Variants in DCUN1D4 observed in about 807,000 individuals in gnomAD.
DCUN1D4 encodes the protein defective in cullin neddylation 1 domain containing 4, also known as DCN1-like protein 4.
Under a neutral mutation model 47.9 loss-of-function variants are expected in DCUN1D4, and 22 were observed. The observed-to-expected ratio is 0.46, with a 90% CI of 0.33 to 0.66. DCUN1D4 has a LOEUF of 0.66. Among genes scored for constraint, DCUN1D4 ranks in the 30% least tolerant of loss-of-function variants. The pLI, the probability that DCUN1D4 is intolerant of heterozygous loss-of-function variation, is 0.02. For missense variants in DCUN1D4, 301 were observed against 340.8 expected (o/e 0.88, Z 0.92); for synonymous variants, 121 against 112.2 (o/e 1.08, Z -0.50).
intron 1 of DCUN1D4, among the ~76,000 whole-genome samples, chr4:51,856,776 G>T (rs1724206183): frequency 6.6e-6 from 1 of 152,128 alleles, no homozygotes; most frequent in Non-Finnish European, 1.5e-5. Context: ...TCCTTACACT[G>T]CAATCACATT....
rs899960227 is a variant in DCUN1D4, at chr4:51,916,242, G to T, written c.*2658G>T. On this transcript the variant is annotated 3_prime_UTR_variant, in exon 11 of 11. Transcript: ENST00000334635. ...AGATGTTTACTGCTGAAGTAGGTCAGAAATTGTATTATTTGATTTGCCTCA... is the reference window on the plus strand; with the variant it reads ...AGATGTTTACTGCTGAAGTAGGTCATAAATTGTATTATTTGATTTGCCTCA... 1 of 152,094 alleles carries T rather than the reference G, an allele frequency of 6.6e-6. No individual in the cohort carries two copies. Among genetic ancestry groups the T allele is most frequent in the African/African-American group, 2.4e-5 (1 of 41,418 alleles). 9.4% of individuals were successfully genotyped at this position (152,094 alleles called of 1,614,324 possible). A position where few individuals can be genotyped will look rare whatever the true frequency, so the allele number is the denominator to read the frequency against.
intron 6 of DCUN1D4, among the ~76,000 whole-genome samples, chr4:51,888,494 A>C (rs1457123568): frequency 1.3e-5 from 2 of 152,152 alleles, no homozygotes; most frequent in African/African-American, 4.8e-5. Flanking sequence ...TAATCCCAGC[A>C]CTTTGGGAGG....
intron 1 of DCUN1D4, among the ~76,000 whole-genome samples, chr4:51,850,481 C>T (rs1723207223): frequency 1.3e-5 from 2 of 152,310 alleles, no homozygotes; most frequent in African/African-American, 4.8e-5. Flanking sequence ...CTGTCATCTC[C>T]TAGCCAAGGG....
Position 51,915,781 on chromosome 4 carries a change from A to G in DCUN1D4, c.*2197A>G, listed in dbSNP as rs1480251315. On this transcript the variant is annotated 3_prime_UTR_variant, in exon 11 of 11. Coordinates refer to ENST00000334635, the MANE Select transcript of DCUN1D4 (RefSeq NM_001040402.3). Reference sequence around the variant, plus strand: ...AGGAGGGAGATGTTACAGTTAATCCACAATCAACATTTTGATGGTAGGGAA... The same window carrying G: ...AGGAGGGAGATGTTACAGTTAATCCGCAATCAACATTTTGATGGTAGGGAA... 6.5e-6 allele frequency: 1 copy of G among 152,688 alleles called. No homozygotes were observed. The highest frequency in any genetic ancestry group is 1.9e-4 in the East Asian group (1 of 5,180). 9.5% of individuals were successfully genotyped at this position (152,688 alleles called of 1,614,324 possible).
intron 5 of DCUN1D4, among the ~76,000 whole-genome samples, chr4:51,880,154 A>G (rs1051797970): frequency 2.6e-5 from 4 of 152,196 alleles, no homozygotes; most frequent in Non-Finnish European, 5.9e-5. Context: ...CATTTTGTGT[A>G]TCTCAACCAC....
chr4:51,842,929 C>A, upstream of DCUN1D4: 1 of 687,712 alleles, frequency 1.5e-6, no homozygotes, highest in Non-Finnish European at 2.0e-6. Flanking sequence ...CGGGCCCAAC[C>A]CGCTGCTCCG....
chr4:51,839,789 A>C (rs1721586803), upstream of DCUN1D4, among the ~76,000 whole-genome samples: 1 of 152,166 alleles, frequency 6.6e-6, no homozygotes, highest in Non-Finnish European at 1.5e-5. Context: ...TTTCAGTCTC[A>C]AGAACTATGC....
In DCUN1D4 at chr4:51,911,145, C is replaced by T; in HGVS notation, c.691C>T (p.Leu231Phe). 4 of 1,612,040 alleles carry T rather than the reference C, an allele frequency of 2.5e-6. No homozygotes were observed. Among genetic ancestry groups the T allele is most frequent in the Non-Finnish European group, 3.4e-6 (4 of 1,179,348 alleles). The change falls in exon 9 of 11, where the codon CTT becomes TTT. Residue 231 changes from leucine to phenylalanine, a missense_variant. Around this residue, in one of 2 missense-constraint regions of DCUN1D4, gnomAD observed 170 missense variants for 234.5 expected, o/e 0.73. Transcript: ENST00000334635. ...LGLLLGKIWP[L>F]FPVFHQFLEQ... ...ACTGTTATTAGGAAAAATCTGGCCCCTTTTTCCAGTTTTTCACCAATTCTT... is the reference window on the plus strand; with the variant it reads ...ACTGTTATTAGGAAAAATCTGGCCCTTTTTTCCAGTTTTTCACCAATTCTT...
chr4:51,910,490 C>T (rs539596368), intron 8 of DCUN1D4, among the ~76,000 whole-genome samples: 1 of 152,204 alleles, frequency 6.6e-6, no homozygotes, highest in East Asian at 1.9e-4. Flanking sequence ...TCCTGCCTTC[C>T]ACCAGAGTGG....
At chr4:51,891,619 C>T (rs757950685) in intron 6 of DCUN1D4, 141 bp from the exon 7 acceptor site, 1 of 625,014 alleles carries the variant, frequency 1.6e-6, no homozygotes, top group Non-Finnish European at 2.6e-6. Context: ...TTGAAGTTAA[C>T]TCTGCTCATA....
chr4:51,860,654 GA>G, intron 1 of DCUN1D4: 2 of 455,206 alleles, frequency 4.4e-6, no homozygotes, highest in South Asian at 1.6e-5. Context: ...AGGAGCGAGA[GA>G]GAGAAAGGGT....
upstream of DCUN1D4, among the ~76,000 whole-genome samples, chr4:51,839,751 T>C (rs1236835002): frequency 2.6e-5 from 4 of 152,198 alleles, no homozygotes; most frequent in East Asian, 3.8e-4. Flanking sequence ...CAGGGACACA[T>C]TTATCTGTCT....
chr4:51,884,550 T>C (rs1270399262), intron 5 of DCUN1D4: 1 of 152,274 alleles, frequency 6.6e-6, no homozygotes, highest in Non-Finnish European at 1.5e-5. Context: ...GAGCGTTTCC[T>C]ATATTCTGGT....
At chr4:51,840,968 G>C (rs1721616515), upstream of DCUN1D4, among the ~76,000 whole-genome samples, 2 of 152,150 alleles carry the variant, frequency 1.3e-5, no homozygotes, top group Non-Finnish European at 2.9e-5. Flanking sequence ...GCAATGTTGA[G>C]AAATAACAGA....
Position 51,886,566 on chromosome 4 carries a change from A to G in DCUN1D4, c.344-2A>G. ...TAATTTACATAAGACTGTATTTCACAGGAACTGATGATGTTGTAGGCCCTG... is the reference window on the plus strand; with the variant it reads ...TAATTTACATAAGACTGTATTTCACGGGAACTGATGATGTTGTAGGCCCTG... On this transcript the variant is annotated splice_acceptor_variant, in intron 5 of 10. Coordinates refer to ENST00000334635, the MANE Select transcript of DCUN1D4 (RefSeq NM_001040402.3). LOFTEE classifies it high-confidence loss of function. The G allele has an allele frequency of 2.5e-6, 4 of 1,613,678 alleles. No individual in the cohort carries two copies. The highest frequency in any genetic ancestry group is 3.4e-6 in the Non-Finnish European group (4 of 1,179,736).
At chr4:51,906,608 G>T (rs1732934953) in intron 8 of DCUN1D4, among the ~76,000 whole-genome samples, 1 of 152,186 alleles carries the variant, frequency 6.6e-6, no homozygotes, top group Middle Eastern at 3.4e-3. Flanking sequence ...ATACTTCACT[G>T]TCATTTACAA....
At chr4:51,908,970 G>A in intron 8 of DCUN1D4, 1 of 456,312 alleles carries the variant, frequency 2.2e-6, no homozygotes, top group Non-Finnish European at 4.4e-6. Context: ...CCCTTGCAGA[G>A]CAGGAGTAAG....
intron 3 of DCUN1D4, among the ~76,000 whole-genome samples, chr4:51,870,877 T>G (rs1446266314): frequency 2.0e-5 from 3 of 148,010 alleles, no homozygotes; most frequent in African/African-American, 5.0e-5. Flanking sequence ...TAAAAAGTTG[T>G]TTTTTTTTTG....
chr4:51,837,951 G>T, the DCUN1D4 span, among the ~76,000 whole-genome samples: 4 of 152,130 alleles, frequency 2.6e-5, no homozygotes, highest in Non-Finnish European at 5.9e-5. Flanking sequence ...CTTGAGGCGG[G>T]CAGATCACTT....
Sources: gnomAD v4.1 joint callset for allele counts (sites outside exome capture counted in the v4.1 genomes callset) on GRCh38, gnomAD v4.1.1 for gene constraint, gnomAD v4.1.1 regional missense constraint, MANE v1.5 for transcripts, NCBI Gene and HGNC (gene_info 2026-07-23, HGNC 2026-07-21) for gene names.